Variants in SHCBP1 observed in about 807,000 individuals in gnomAD.
SHCBP1 encodes SHC SH2 domain-binding protein 1.
SHCBP1 carries 60 observed loss-of-function variants against 75.1 expected under a neutral mutation model. The ratio of observed to expected loss-of-function variants is 0.80; its 90% CI spans 0.65 to 0.99. The LOEUF is 0.99. Ranked by LOEUF, SHCBP1 falls within the 50% of genes least tolerant of loss-of-function variation. The pLI is 0.00. For synonymous variants in SHCBP1, 290 were observed against 293.2 expected, an observed-to-expected ratio of 0.99 and a Z score of 0.11; for missense variants, 709 against 809.4, an observed-to-expected ratio of 0.88 and a Z score of 1.50.
At chr16:46,614,951 G>A (rs1329883392) in intron 4 of SHCBP1, among the ~76,000 whole-genome samples, 2 of 152,084 alleles carry the variant, frequency 1.3e-5, no homozygotes, top group South Asian at 4.2e-4. Flanking sequence ...GAATTTTGTG[G>A]GGTCCACTGA....
At position 46,596,492 on chromosome 16, in the gene SHCBP1, G is replaced by A. The variant is rs1266394134; in HGVS notation, c.1346-822C>T. 2.0e-5 allele frequency among the ~76,000 whole-genome samples: 3 copies of A among 151,890 alleles called. No homozygotes were observed. The East Asian group carries it at 5.9e-4, about 30-fold the overall frequency. ...ACTGCACTCCAGCCTGGGTGACAGA[G>A]TGAGACCTCTGCCTCTTGGTTTCAA... On this transcript the variant is annotated intron_variant, in intron 9 of 12. Transcript: ENST00000303383.
intron 1 of SHCBP1, among the ~76,000 whole-genome samples, chr16:46,619,907 C>T (rs1340554097): frequency 1.3e-5 from 2 of 151,928 alleles, no homozygotes; most frequent in East Asian, 3.9e-4. Context: ...TGGTGGCGGG[C>T]GCCTATAATC....
At position 46,591,830 on chromosome 16, in the gene SHCBP1, G is replaced by A. The variant is rs150818876; in HGVS notation, c.1464+3722C>T. Among the ~76,000 whole-genome samples, 958 of 151,952 alleles carry A rather than the reference G, an allele frequency of 6.3e-3. 11 individuals carry two copies. The highest frequency in any genetic ancestry group is 8.3e-3 in the Non-Finnish European group (563 of 67,970). On this transcript the variant is annotated intron_variant, in intron 10 of 12. Transcript: ENST00000303383. ...TTTCCGACCACAATGGAATGAAACTGGAATTCAACAACAGAAAGATAATAG... is the reference window on the plus strand; with the variant it reads ...TTTCCGACCACAATGGAATGAAACTAGAATTCAACAACAGAAAGATAATAG...
chr16:46,599,885 T>A lies in SHCBP1; in HGVS notation c.1291A>T (p.Ile431Phe), dbSNP rs1317941657. ...DTFVDCTGAD[I>F]KISGIKFVQH... Reference sequence around the variant, plus strand: ...ACAAATTTTATGCCTGAGATTTTAATATCAGCACCAGTGCAGTCCACAAAA... The same window carrying A: ...ACAAATTTTATGCCTGAGATTTTAAAATCAGCACCAGTGCAGTCCACAAAA... Residue 431 changes from isoleucine to phenylalanine, a missense_variant, in exon 9 of 13, where the codon ATT becomes TTT. Physicochemically the swap from Ile to Phe is conservative, Grantham distance 21 (BLOSUM62 0). Coordinates refer to ENST00000303383, the MANE Select transcript of SHCBP1 (RefSeq NM_024745.5). 2 of 1,612,780 alleles carry A rather than the reference T, an allele frequency of 1.2e-6. No individual in the cohort carries two copies. The highest frequency in any genetic ancestry group is 2.7e-5 in the African/African-American group (2 of 74,950).
At position 46,581,165 on chromosome 16, in the gene SHCBP1, C is replaced by T. The variant is rs1309692612; in HGVS notation, c.*564G>A. On this transcript the variant is annotated 3_prime_UTR_variant, in exon 13 of 13. Transcript: ENST00000303383. ...TTCAAACCTCCTATGCTGTCTATCG[C>T]TGTTTTGACGACTGCATAGCTCAAC... The T allele has an allele frequency of 6.5e-6, 1 of 153,086 alleles. No homozygotes were observed. Among genetic ancestry groups the T allele is most frequent in the Non-Finnish European group, 1.5e-5 (1 of 68,446 alleles). The allele number at this position is 153,086 out of a possible 1,614,324, so 9.5% of individuals were successfully genotyped here. A position where few individuals can be genotyped will look rare whatever the true frequency, so the allele number is the denominator to read the frequency against.
intron 10 of SHCBP1, among the ~76,000 whole-genome samples, chr16:46,593,271 T>C (rs1006953998): frequency 1.8e-4 from 27 of 152,104 alleles, no homozygotes; most frequent in Non-Finnish European, 3.8e-4. Flanking sequence ...TCATAGGATA[T>C]AGCATAAACA....
chr16:46,615,824 A>T lies in SHCBP1; in HGVS notation c.596+122T>A, dbSNP rs114172398. 2.6e-3 allele frequency: 1,970 copies of T among 745,060 alleles called. 27 individuals carry two copies. In the African/African-American group the frequency reaches 0.03, roughly 12 times the overall value. 46.2% of individuals were successfully genotyped at this position (745,060 alleles called of 1,614,324 possible). ...GATTATCCTATCTTTGGATATTTTTAAATATTGCAATGACCAAGTTTACAG... is the reference window on the plus strand; with the variant it reads ...GATTATCCTATCTTTGGATATTTTTTAATATTGCAATGACCAAGTTTACAG... On this transcript the variant is annotated intron_variant, in intron 4 of 12. Transcript: ENST00000303383.
In SHCBP1 at chr16:46,604,502, G is replaced by T. The variant is rs1231087803; in HGVS notation, c.690-41C>A. ...CAAAGTGAAATCCACTGCCTTTCAG[G>T]CACATTTTCCTATCATTAAAACAGC... On this transcript the variant is annotated intron_variant, in intron 5 of 12. Transcript: ENST00000303383. 4 of 1,441,838 alleles carry T rather than the reference G, an allele frequency of 2.8e-6. No homozygotes were observed. The African/African-American group carries it at 5.6e-5, about 20-fold the overall frequency. The allele number at this position is 1,441,838 out of a possible 1,614,324, so 89.3% of individuals were successfully genotyped here.
In SHCBP1 at chr16:46,584,115, A is replaced by T. The variant is rs747987919; in HGVS notation, c.1465-26T>A. On this transcript the variant is annotated intron_variant, in intron 10 of 12. Coordinates refer to ENST00000303383, the MANE Select transcript of SHCBP1 (RefSeq NM_024745.5). ...CTGTGAGTCACAGTTTGAGATAATG[A>T]CAATCAGTTTTTAAAAGGCAAGACT... 7.8e-6 allele frequency: 12 copies of T among 1,541,416 alleles called. No homozygotes were observed. The South Asian group carries it at 1.4e-4, about 18-fold the overall frequency.
intron 10 of SHCBP1, among the ~76,000 whole-genome samples, chr16:46,584,738 G>A (rs138496136): frequency 4.6e-5 from 7 of 152,210 alleles, no homozygotes; most frequent in Non-Finnish European, 1.0e-4. Flanking sequence ...CATAAAAATA[G>A]TAAGAATTTC....
At position 46,603,652 on chromosome 16, in the gene SHCBP1, C is replaced by T. The variant is rs1244043761; in HGVS notation, c.1100G>A (p.Ser367Asn). The T allele has an allele frequency of 6.2e-7, 1 of 1,613,930 alleles. No homozygotes were observed. Among genetic ancestry groups the T allele is most frequent in the Non-Finnish European group, 8.5e-7 (1 of 1,180,018 alleles). The stretch of plus-strand genomic sequence containing the variant: ...GGCATTTATAGCAGACAATGGATCA[C>T]TATGGAACTAGAAAACAATAAGAAC... The part of the protein sequence containing the change: ...GEEEREIQFH[S>N]DPLSAINACF... The change falls in exon 8 of 13, where the codon AGT becomes AAT. Residue 367 changes from serine (S) to asparagine (N), a missense_variant. Physicochemically the swap from Ser to Asn is conservative, Grantham distance 46. Transcript: ENST00000303383.
chr16:46,599,950 G>T lies in SHCBP1; in HGVS notation c.1226C>A (p.Pro409Gln). The T allele has an allele frequency of 6.2e-7, 1 of 1,613,154 alleles. No homozygotes were observed. The highest frequency in any genetic ancestry group is 1.3e-5 in the African/African-American group (1 of 74,918). Residue 409 changes from proline (P) to glutamine (Q), a missense_variant, in exon 9 of 13, where the codon CCA becomes CAA. Coordinates refer to ENST00000303383, the MANE Select transcript of SHCBP1 (RefSeq NM_024745.5). ...CCTCTTTTCTATCACAATGTCATCT[G>T]GTAGGCCATATCCTAAGGAAGAGAG... The part of the protein sequence containing the change: ...DSIELEGYGL[P>Q]DDIVIEKRGK...
At chr16:46,619,688 T>C (rs1047577649) in intron 1 of SHCBP1, among the ~76,000 whole-genome samples, 4 of 152,206 alleles carry the variant, frequency 2.6e-5, no homozygotes, top group African/African-American at 9.7e-5. Context: ...GCACCATTCT[T>C]TATAGCTTTA....
At position 46,610,544 on chromosome 16, in the gene SHCBP1, A is replaced by ATTTTTTT. The variant is rs60140518; in HGVS notation, c.597-2162_597-2156dup. Among the ~76,000 whole-genome samples, 96 of 31,098 alleles carry ATTTTTTT rather than the reference A, an allele frequency of 3.1e-3. 21 individuals carry two copies. The highest frequency in any genetic ancestry group is 7.6e-3 in the African/African-American group (67 of 8,822). 20.4% of individuals were successfully genotyped at this position (31,098 alleles called of 152,430 possible). On this transcript the variant is annotated intron_variant, in intron 4 of 12. Coordinates refer to ENST00000303383, the MANE Select transcript of SHCBP1 (RefSeq NM_024745.5). ...TGGTGATTACATCCCCATGGGGTCA[A>ATTTTTTT]TTTTTTTTTTTTTTTTTTTTTTTTT...
In SHCBP1 at chr16:46,583,549, C is replaced by G; in HGVS notation, c.1660G>C (p.Asp554His). ...CCATCTTCAGCATTTTCTTGCAGGT[C>G]AGAGAAGATTGTAGGTTTCACCAAG... ...VVLVKPTIFS[D>H]LQENAEDGTE... The change falls in exon 12 of 13, where the codon GAC becomes CAC. Residue 554 changes from aspartate to histidine, a missense_variant. Transcript: ENST00000303383. The G allele has an allele frequency of 7.5e-6, 12 of 1,608,882 alleles. No homozygotes were observed. The highest frequency in any genetic ancestry group is 1.0e-5 in the Non-Finnish European group (12 of 1,178,962).
rs1431207577 is a variant in SHCBP1 at position 46,589,365 on chromosome 16, G to A, written c.1465-5276C>T. On this transcript the variant is annotated intron_variant, in intron 10 of 12. Coordinates refer to ENST00000303383, the MANE Select transcript of SHCBP1 (RefSeq NM_024745.5). ...AAAGAAATAAAGGGTATTGAATTAG[G>A]AAAAGAGGAAGTCAAATTGTCCCTG... Among the ~76,000 whole-genome samples, 3 of 152,152 alleles carry A rather than the reference G, an allele frequency of 2.0e-5. No homozygotes were observed. The East Asian group carries it at 5.8e-4, about 29-fold the overall frequency.
intron 4 of SHCBP1, among the ~76,000 whole-genome samples, chr16:46,609,093 T>C (rs1965367489): frequency 6.6e-6 from 1 of 152,176 alleles, no homozygotes; most frequent in South Asian, 2.1e-4. Flanking sequence ...AACACATTGA[T>C]GGTGTTAAAG....
rs771147420 is a variant in SHCBP1 at position 46,616,356 on chromosome 16, G to C, written c.388-202C>G. ...AATCAGGGAGATCAACAAACACAAT[G>C]ATAACCAGTAGGTGACAGAGAATAA... On this transcript the variant is annotated intron_variant, in intron 3 of 12. Coordinates refer to ENST00000303383, the MANE Select transcript of SHCBP1 (RefSeq NM_024745.5). This position sits in a 1 kb window ranked among gnomAD's most constrained non-coding sequence, Gnocchi z 4.4. Among the ~76,000 whole-genome samples, 1 of 152,162 alleles carries C rather than the reference G, an allele frequency of 6.6e-6. No homozygotes were observed. The highest frequency in any genetic ancestry group is 1.9e-4 in the East Asian group (1 of 5,204).
intron 10 of SHCBP1, among the ~76,000 whole-genome samples, chr16:46,587,062 C>T (rs1841892552): frequency 6.6e-6 from 1 of 152,096 alleles, no homozygotes; most frequent in Admixed American, 6.5e-5. Context: ...AGCTTTCCTT[C>T]TCTTGAGTGT....
Sources: gnomAD v4.1 joint callset for allele counts (sites outside exome capture counted in the v4.1 genomes callset) on GRCh38, gnomAD v4.1.1 for gene constraint, Gnocchi (gnomAD v3.1) non-coding constraint, MANE v1.5 for transcripts, NCBI Gene and HGNC (gene_info 2026-07-23, HGNC 2026-07-21) for gene names.